Variants in DHDDS observed in about 807,000 individuals in gnomAD.
DHDDS encodes the protein dehydrodolichyl diphosphate synthase complex subunit DHDDS.
In DHDDS, 16 loss-of-function variants were observed where a neutral mutation model predicts 46.2. The ratio of observed to expected loss-of-function variants is 0.35; its 90% CI spans 0.23 to 0.53. The LOEUF (loss-of-function observed/expected upper bound fraction) is 0.53. Ranked by LOEUF, DHDDS falls within the 20% of genes least tolerant of loss-of-function variation. The probability of loss-of-function intolerance (pLI) is 0.94; values close to 1 mark genes in which losing one functional copy is unlikely to be tolerated. For missense variants in DHDDS, 340 were observed against 423.7 expected (o/e 0.80, Z 1.73); for synonymous variants, 151 against 163.1 (o/e 0.93, Z 0.56).
intron 6 of DHDDS, among the ~76,000 whole-genome samples, chr1:26,453,902 C>T (rs1261927426): frequency 1.3e-5 from 2 of 152,184 alleles, no homozygotes; most frequent in East Asian, 3.8e-4. Context: ...CCAAAGTCTA[C>T]AGATGTTCCA....
At position 26,468,977 on chromosome 1, in the gene DHDDS, G is replaced by A. The variant is rs761750566; in HGVS notation, c.848G>A (p.Arg283Gln). 37 of 1,614,136 alleles carry A rather than the reference G, an allele frequency of 2.3e-5. No individual in the cohort carries two copies. Among genetic ancestry groups the A allele is most frequent in the East Asian group, 4.5e-5 (2 of 44,882 alleles). ...GCTACAGTGACAGAGCAGCTGCTGC[G>A]AGAGGGGCTCCAAGCCAGTGGGGAC... ...DQATVTEQLL[R>Q]EGLQASGDAQ... The change falls in exon 9 of 9, where the codon CGA becomes CAA. Residue 283 changes from arginine (R) to glutamine (Q), a missense_variant. Arg to Gln is a conservative substitution (Grantham distance 43). Around this residue, in one of 2 missense-constraint regions of DHDDS, gnomAD observed 268 missense variants for 300.3 expected, o/e 0.89. Transcript: ENST00000236342.
chr1:26,467,678 T>A (rs1479517434), intron 8 of DHDDS, among the ~76,000 whole-genome samples: 2 of 152,202 alleles, frequency 1.3e-5, no homozygotes, highest in African/African-American at 4.8e-5. Context: ...GCTTACAGGC[T>A]GATTAGGACA....
intron 8 of DHDDS, chr1:26,467,393 T>C (rs754599670): frequency 1.7e-5 from 8 of 467,240 alleles, no homozygotes; most frequent in African/African-American, 1.2e-4. Context: ...TAGCTCCACA[T>C]GTAATTCATT....
At chr1:26,467,736 G>T (rs993398277) in intron 8 of DHDDS, among the ~76,000 whole-genome samples, 1 of 152,192 alleles carries the variant, frequency 6.6e-6, no homozygotes, top group Non-Finnish European at 1.5e-5. Context: ...ATGTGGGAAG[G>T]GTCATCAGGG....
chr1:26,460,983 C>T (rs2075416865), intron 8 of DHDDS, among the ~76,000 whole-genome samples: 1 of 152,180 alleles, frequency 6.6e-6, no homozygotes, highest in African/African-American at 2.4e-5. Flanking sequence ...GAACGATTCT[C>T]CTGTCTCAGC....
chr1:26,468,828 C>CA, intron 8 of DHDDS, 67 bp from the exon 9 acceptor site: 1 of 1,592,462 alleles, frequency 6.3e-7, no homozygotes, highest in Non-Finnish European at 8.6e-7. Context: ...CCCCTACCTC[C>CA]TCCATCCCAG....
intron 8 of DHDDS, among the ~76,000 whole-genome samples, chr1:26,461,863 A>G (rs2075425755): frequency 6.6e-6 from 1 of 152,230 alleles, no homozygotes; most frequent in African/African-American, 2.4e-5. Context: ...GAAAAACAGC[A>G]AAGGCACAAT....
chr1:26,443,592 C>A (rs2075239542), intron 4 of DHDDS, among the ~76,000 whole-genome samples: 1 of 152,182 alleles, frequency 6.6e-6, no homozygotes, highest in African/African-American at 2.4e-5. Context: ...GTCTTAGTTA[C>A]AACTGTTGTG....
chr1:26,450,288 G>A (rs576356830), intron 6 of DHDDS, among the ~76,000 whole-genome samples: 5 of 152,266 alleles, frequency 3.3e-5, no homozygotes, highest in South Asian at 2.1e-4. Flanking sequence ...TACTACAGAC[G>A]TGCACCACCT....
intron 4 of DHDDS, 103 bp downstream of exon 4, chr1:26,442,976 T>C (rs763744164): frequency 1.9e-6 from 3 of 1,578,380 alleles, no homozygotes; most frequent in Non-Finnish European, 2.6e-6. Context: ...GACTTGCAAC[T>C]CTTTTTAATG....
rs1025265736 is a variant in DHDDS, at chr1:26,469,663, C to T, written c.*532C>T. On this transcript the variant is annotated 3_prime_UTR_variant, in exon 9 of 9. Transcript: ENST00000236342. ...CATCTGCTGCTCCTCCCCCTTGGCT[C>T]TCCACCTGGGATTTGCTATTGAATC... 8.8e-6 allele frequency: 2 copies of T among 226,178 alleles called. No individual in the cohort carries two copies. Among genetic ancestry groups the T allele is most frequent in the African/African-American group, 4.5e-5 (2 of 44,380 alleles). 14.0% of individuals were successfully genotyped at this position (226,178 alleles called of 1,614,324 possible).
chr1:26,437,163 CCTT>C (rs543101298), intron 2 of DHDDS, among the ~76,000 whole-genome samples: 32 of 151,886 alleles, frequency 2.1e-4, no homozygotes, highest in South Asian at 1.2e-3. Context: ...GAGCGAGACT[CCTT>C]CTCAAAAAAA....
chr1:26,451,404 ATGTGTGTGTGTG>A (rs35376620), intron 6 of DHDDS, among the ~76,000 whole-genome samples: 2,242 of 135,988 alleles, frequency 0.016, 37 homozygotes, highest in African/African-American at 0.041. Flanking sequence ...ATGTATGTAG[ATGTGTGTGTGTG>A]TGTGTGTGTG....
intron 8 of DHDDS, among the ~76,000 whole-genome samples, chr1:26,466,685 T>G (rs2075491567): frequency 6.6e-6 from 1 of 152,268 alleles, no homozygotes; most frequent in African/African-American, 2.4e-5. Flanking sequence ...TGGCTTTAGC[T>G]AGCTCCATAT....
At chr1:26,464,361 CAT>C (rs2075460456) in intron 8 of DHDDS, among the ~76,000 whole-genome samples, 1 of 152,196 alleles carries the variant, frequency 6.6e-6, no homozygotes, top group South Asian at 2.1e-4. Flanking sequence ...GTTCTTACCA[CAT>C]GTCAGGCATC....
At chr1:26,442,587 T>G in intron 3 of DHDDS, 144 bp from the exon 4 acceptor site, 1 of 934,928 alleles carries the variant, frequency 1.1e-6, no homozygotes, top group East Asian at 2.4e-5. Context: ...ACATAAACAC[T>G]GATGTTATCC....
intron 8 of DHDDS, 88 bp from the exon 9 acceptor site, chr1:26,468,807 C>CGGT: frequency 8.4e-7 from 1 of 1,186,218 alleles, no homozygotes; most frequent in Non-Finnish European, 1.2e-6. Context: ...TTGGCCCACC[C>CGGT]TGTGCCCCAC....
At position 26,452,893 on chromosome 1, in the gene DHDDS, G is replaced by A. The variant is rs1427339876; in HGVS notation, c.543-4898G>A. Among the ~76,000 whole-genome samples the A allele has an allele frequency of 2.0e-5, 3 of 152,132 alleles. No homozygotes were observed. In the East Asian group the frequency reaches 5.8e-4, roughly 29 times the overall value. ...GCAGGAAAATCGCTTGAGCCCTGGA[G>A]TTTGAGACCAGCCCTGGCAACACGG... On this transcript the variant is annotated intron_variant, in intron 6 of 8. Coordinates refer to ENST00000236342, the MANE Select transcript of DHDDS (RefSeq NM_205861.3).
At chr1:26,462,855 T>C (rs1277044117) in intron 8 of DHDDS, 1 of 152,200 alleles carries the variant, frequency 6.6e-6, no homozygotes, top group Non-Finnish European at 1.5e-5. Context: ...ATCTCTACCT[T>C]TGTGGAACTT....
Sources: gnomAD v4.1 joint callset for allele counts (sites outside exome capture counted in the v4.1 genomes callset) on GRCh38, gnomAD v4.1.1 for gene constraint, gnomAD v4.1.1 regional missense constraint, MANE v1.5 for transcripts, NCBI Gene and HGNC (gene_info 2026-07-23, HGNC 2026-07-21) for gene names.